TLN2: variants seen among roughly 807,000 people sequenced by gnomAD.
TLN2 encodes the protein talin 2, also known as talin-2.
Under a neutral mutation model 294.7 loss-of-function variants are expected in TLN2, and 118 were observed. That is an observed-to-expected ratio of 0.40 (90% CI 0.34 to 0.47). TLN2 has a LOEUF of 0.47. Among genes scored for constraint, TLN2 ranks in the 20% least tolerant of loss-of-function variants. TLN2 has a pLI of 0.84. For synonymous variants in TLN2, 1,431 were observed against 1,304.5 expected (o/e 1.10, Z -2.09); for missense variants, 3,083 against 3,282.2 (o/e 0.94, Z 1.48).
At chr15:62,800,334 C>T (rs748506011) in intron 48 of TLN2, 34 bp from the exon 49 acceptor site, 23 of 1,605,300 alleles carry the variant, frequency 1.4e-5, no homozygotes, top group African/African-American at 1.1e-4. Context: ...GACATCTTGA[C>T]GCCTGCTCAC....
At position 62,792,674 on chromosome 15, in the gene TLN2, C is replaced by T. The variant is rs773455583; in HGVS notation, c.5770C>T (p.Leu1924=). Residue 1924 remains leucine, a synonymous_variant, in exon 46 of 59, where the codon CTG becomes TTG. Coordinates refer to ENST00000636159, the MANE Select transcript of TLN2 (RefSeq NM_015059.3). ...GFQIRTRVQD[L]GHGCIFLVQK... is the part of the protein sequence containing the mutation. ...CCAGATTCGCACTCGTGTGCAGGAC[C>T]TGGGCCACGGCTGTATCTTCCTGGT... 1.2e-6 allele frequency: 2 copies of T among 1,613,882 alleles called. No individual in the cohort carries two copies. Among genetic ancestry groups the T allele is most frequent in the Non-Finnish European group, 1.7e-6 (2 of 1,180,028 alleles).
chr15:62,458,666 G>A (rs2036622697), intron 1 of TLN2, among the ~76,000 whole-genome samples: 1 of 151,056 alleles, frequency 6.6e-6, no homozygotes, highest in South Asian at 2.1e-4. Context: ...CTGCTTTGGA[G>A]GCTGAGGTGG....
Position 62,701,135 on chromosome 15 carries a change from C to A in TLN2, c.1617C>A (p.Val539=). 5 of 1,613,986 alleles carry A rather than the reference C, an allele frequency of 3.1e-6. No homozygotes were observed. In the East Asian group the frequency reaches 6.7e-5, roughly 22 times the overall value. ...CTAGGGTATGGGTTCAGAACAAAGT[C>A]GACGAATCCAAACACGAAATCCATT... ...MASRVWVQNK[V]DESKHEIHSQ... is the part of the protein sequence containing the mutation. The change falls in exon 17 of 59, where the codon GTC becomes GTA. Residue 539 remains valine (V), a synonymous_variant. Transcript: ENST00000636159.
At chr15:62,532,501 G>T (rs1298152964) in intron 1 of TLN2, among the ~76,000 whole-genome samples, 3 of 152,174 alleles carry the variant, frequency 2.0e-5, no homozygotes, top group African/African-American at 7.2e-5. Context: ...GCTCTCCAGA[G>T]CCCTTTACGA....
chr15:62,819,685 T>C (rs1422294890), intron 53 of TLN2, 64 bp downstream of exon 53: 2 of 1,442,698 alleles, frequency 1.4e-6, no homozygotes, highest in Non-Finnish European at 1.9e-6. Flanking sequence ...TACAGCAGAC[T>C]GAGCAGAGGA....
Position 62,482,499 on chromosome 15 carries a change from G to A in TLN2, c.-238+91814G>A, listed in dbSNP as rs143442536. On this transcript the variant is annotated intron_variant, in intron 1 of 58. Transcript: ENST00000636159. ...TGCCTGTAATCCCAGCTACTCAGGA[G>A]GGGGGAGGCAGGAGAATCGCTTGAA... 1.6e-3 allele frequency among the ~76,000 whole-genome samples: 241 copies of A among 148,512 alleles called. 1 individual carries two copies. The highest frequency in any genetic ancestry group is 5.9e-3 in the African/African-American group (227 of 38,306).
chr15:62,837,481 G>GGAGAATGCATATGAC (rs2069851161), intron 57 of TLN2, among the ~76,000 whole-genome samples: 2 of 152,188 alleles, frequency 1.3e-5, no homozygotes, highest in Admixed American at 1.3e-4. Context: ...GGGTCAAATA[G>GGAGAATGCATATGAC]GAGAATGCAT....
chr15:62,393,630 A>G (rs1215267442), intron 1 of TLN2, among the ~76,000 whole-genome samples: 1 of 152,210 alleles, frequency 6.6e-6, no homozygotes, highest in Admixed American at 6.5e-5. Flanking sequence ...AAAACTATGC[A>G]TCTAAATAGG....
rs1595909672 is a variant in TLN2 at position 62,763,460 on chromosome 15, G to A, written c.4962-103G>A. 8 of 1,468,488 alleles carry A rather than the reference G, an allele frequency of 5.4e-6. No homozygotes were observed. The East Asian group carries it at 1.4e-4, about 26-fold the overall frequency. The allele number at this position is 1,468,488 out of a possible 1,614,324, so 91.0% of individuals were successfully genotyped here. ...ATTCCTCCTGAAAGGAGGTGACTGT[G>A]TCAGGGAGGAAGTGGACAGGGATCC... On this transcript the variant is annotated intron_variant, in intron 39 of 58. Coordinates refer to ENST00000636159, the MANE Select transcript of TLN2 (RefSeq NM_015059.3).
At chr15:62,810,897 A>G (rs1476261276) in intron 52 of TLN2, among the ~76,000 whole-genome samples, 2 of 152,226 alleles carry the variant, frequency 1.3e-5, no homozygotes, top group African/African-American at 4.8e-5. Flanking sequence ...ACCTTTAGAT[A>G]CATAATTCAC....
intron 2 of TLN2, among the ~76,000 whole-genome samples, chr15:62,608,656 C>G (rs950841051): frequency 6.6e-6 from 1 of 152,022 alleles, no homozygotes; most frequent in Non-Finnish European, 1.5e-5. Flanking sequence ...TGGGAAGACA[C>G]GGGGACAAGG....
intron 39 of TLN2, among the ~76,000 whole-genome samples, chr15:62,763,008 C>G (rs1185147827): frequency 6.6e-6 from 1 of 152,220 alleles, no homozygotes; most frequent in Non-Finnish European, 1.5e-5. Flanking sequence ...CAGTAAATAC[C>G]TCGCAGCATG....
At chr15:62,469,573 A>G (rs528844489) in intron 1 of TLN2, among the ~76,000 whole-genome samples, 1 of 152,344 alleles carries the variant, frequency 6.6e-6, no homozygotes, top group African/African-American at 2.4e-5. Context: ...GGATGGAGCA[A>G]TGTGACTGAA....
intron 1 of TLN2, among the ~76,000 whole-genome samples, chr15:62,525,222 A>T (rs1466632988): frequency 6.6e-6 from 1 of 152,210 alleles, no homozygotes; most frequent in Admixed American, 6.5e-5. Flanking sequence ...AGTTTATTAA[A>T]GTTGATTTGC....
chr15:62,450,539 A>G (rs545088853), intron 1 of TLN2, among the ~76,000 whole-genome samples: 1 of 62,140 alleles, frequency 1.6e-5, no homozygotes, highest in East Asian at 3.7e-3. Context: ...GTATGTATGT[A>G]TGTATGTATG....
intron 34 of TLN2, 112 bp downstream of exon 34, chr15:62,750,603 A>T: frequency 1.1e-6 from 1 of 881,744 alleles, no homozygotes; most frequent in South Asian, 1.4e-5. Flanking sequence ...GGCTAGCCAC[A>T]TGTAGCATGA....
chr15:62,674,507 C>T (rs1335764485), intron 10 of TLN2, among the ~76,000 whole-genome samples: 1 of 98,700 alleles, frequency 1.0e-5, no homozygotes, highest in South Asian at 4.9e-4. Context: ...CTATGGAAAA[C>T]GATATTTTTT....
intron 54 of TLN2, among the ~76,000 whole-genome samples, chr15:62,823,082 T>A (rs2067720959): frequency 2.0e-5 from 3 of 152,190 alleles, no homozygotes; most frequent in Admixed American, 2.0e-4. Flanking sequence ...AGGTCAAGGT[T>A]AACATAACTG....
intron 1 of TLN2, among the ~76,000 whole-genome samples, chr15:62,475,192 A>G (rs1038900515): frequency 2.0e-5 from 3 of 152,212 alleles, no homozygotes; most frequent in African/African-American, 7.2e-5. Context: ...CCTAAGAGAT[A>G]TGGTAATTTA....
Sources: gnomAD v4.1 joint callset for allele counts (sites outside exome capture counted in the v4.1 genomes callset) on GRCh38, gnomAD v4.1.1 for gene constraint, MANE v1.5 for transcripts, NCBI Gene and HGNC (gene_info 2026-07-23, HGNC 2026-07-21) for gene names.